The following ABCA5 variants were observed in gnomAD, a reference collection of about 807,000 sequenced individuals.
The protein encoded by ABCA5 is cholesterol transporter ABCA5.
A neutral mutation model predicts 206.0 loss-of-function variants in ABCA5; 163 were observed. That is an observed-to-expected ratio of 0.79 (90% CI 0.70 to 0.90). ABCA5 has a LOEUF of 0.90. Ranked by LOEUF, ABCA5 falls within the 40% of genes least tolerant of loss-of-function variation. The pLI, the probability that ABCA5 is intolerant of heterozygous loss-of-function variation, is 0.00. For missense variants in ABCA5, 1,859 were observed against 1,912.9 expected, an observed-to-expected ratio of 0.97 and a Z score of 0.53; for synonymous variants, 609 against 613.8, an observed-to-expected ratio of 0.99 and a Z score of 0.11.
Position 69,274,011 on chromosome 17 carries a change from A to G in ABCA5, c.2712T>C (p.Pro904=). The G allele has an allele frequency of 6.2e-7, 1 of 1,611,102 alleles. No individual in the cohort carries two copies. The highest frequency in any genetic ancestry group is 2.2e-5 in the East Asian group (1 of 44,824). Residue 904 remains proline, a synonymous_variant, in exon 20 of 39, where the codon CCT becomes CCC. Transcript: ENST00000392676. The part of the protein sequence containing the change: ...KLVPDLYFLK[P]GDKPHKYKTS... ...TTTTGTATTTATGTGGTTTGTCTCCAGGTTTTAGAAAATATAAGTCTGGAA... is the reference window on the plus strand; with the variant it reads ...TTTTGTATTTATGTGGTTTGTCTCCGGGTTTTAGAAAATATAAGTCTGGAA...
intron 19 of ABCA5, among the ~76,000 whole-genome samples, chr17:69,275,607 C>T (rs1402817208): frequency 6.6e-6 from 1 of 151,998 alleles, no homozygotes; most frequent in Non-Finnish European, 1.5e-5. Context: ...ATTTCTTTAC[C>T]AGAGAACATC....
At chr17:69,274,489 G>T in intron 19 of ABCA5, among the ~76,000 whole-genome samples, 1 of 151,878 alleles carries the variant, frequency 6.6e-6, no homozygotes, top group Non-Finnish European at 1.5e-5. Context: ...CTCCCAAAGT[G>T]CTGGGATTGC....
At chr17:69,250,389 A>G in intron 36 of ABCA5, 83 bp downstream of exon 36, 3 of 1,262,760 alleles carry the variant, frequency 2.4e-6, no homozygotes, top group Non-Finnish European at 3.2e-6. Context: ...TGAAAAGATG[A>G]TTTTTCACTT....
chr17:69,274,455 A>G lies in ABCA5; in HGVS notation c.2595-327T>C, dbSNP rs943152216. On this transcript the variant is annotated intron_variant, in intron 19 of 38. Transcript: ENST00000392676. ...GGCTGGTCTCAAACTCCTGAGCTCA[A>G]ACAAGGAGCTTGCCTGCCTCAGCCT... is the stretch of plus-strand genomic sequence containing the variant. Among the ~76,000 whole-genome samples, 7 of 152,028 alleles carry G rather than the reference A, an allele frequency of 4.6e-5. No homozygotes were observed. The East Asian group carries it at 7.7e-4, about 17-fold the overall frequency.
intron 11 of ABCA5, 22 bp from the exon 12 acceptor site, chr17:69,291,348 C>T: frequency 6.8e-7 from 1 of 1,470,250 alleles, no homozygotes; most frequent in Non-Finnish European, 9.5e-7. Flanking sequence ...AAAAAGAAGA[C>T]TCAAATGTAA....
In ABCA5 at chr17:69,245,316, G is replaced by A. The variant is rs1339264489; in HGVS notation, c.*2221C>T. 1 of 151,800 alleles carries A rather than the reference G, an allele frequency of 6.6e-6. No individual in the cohort carries two copies. The highest frequency in any genetic ancestry group is 1.9e-4 in the East Asian group (1 of 5,204). The allele number at this position is 151,800 out of a possible 1,614,324, so 9.4% of individuals were successfully genotyped here. ...CCTTTGAAAATTTGACCATGAATGGGAAATATAAGGTTGGTGATGTTGCTT... is the reference window on the plus strand; with the variant it reads ...CCTTTGAAAATTTGACCATGAATGGAAAATATAAGGTTGGTGATGTTGCTT... On this transcript the variant is annotated 3_prime_UTR_variant, in exon 39 of 39. Coordinates refer to ENST00000392676, the MANE Select transcript of ABCA5 (RefSeq NM_172232.4).
At chr17:69,304,370 A>T (rs1463023371) in intron 7 of ABCA5, 2 of 183,848 alleles carry the variant, frequency 1.1e-5, no homozygotes, top group African/African-American at 4.7e-5. Context: ...AAACAAAAAT[A>T]GTCCAATACT....
intron 5 of ABCA5, 149 bp downstream of exon 5, chr17:69,308,131 A>ACTT (rs10699931): frequency 0.98 from 375,677 of 385,104 alleles, 183,913 homozygotes; most frequent in Non-Finnish European, 1. Flanking sequence ...AGAAAATATG[A>ACTT]CTTTTTTATC....
chr17:69,267,288 T>C (rs990485988), intron 23 of ABCA5, among the ~76,000 whole-genome samples: 2 of 152,088 alleles, frequency 1.3e-5, no homozygotes, highest in Non-Finnish European at 2.9e-5. Context: ...ATGAAGAAGA[T>C]CAGAATTTTT....
At chr17:69,296,169 T>C (rs1678702000) in intron 10 of ABCA5, among the ~76,000 whole-genome samples, 1 of 152,180 alleles carries the variant, frequency 6.6e-6, no homozygotes, top group Admixed American at 6.5e-5. Context: ...TTAACAAATG[T>C]GAAGTGATTT....
At chr17:69,251,719 C>G in intron 35 of ABCA5, 28 bp downstream of exon 35, 1 of 1,597,668 alleles carries the variant, frequency 6.3e-7, no homozygotes, top group Non-Finnish European at 8.5e-7. Context: ...ACCTCTTCCC[C>G]TGAATGGCAC....
chr17:69,257,464 T>C (rs1598151566), intron 28 of ABCA5, among the ~76,000 whole-genome samples: 2 of 151,840 alleles, frequency 1.3e-5, no homozygotes, highest in East Asian at 3.9e-4. Flanking sequence ...GACAAAATCA[T>C]TAGTTATCTT....
chr17:69,316,661 A>G (rs1053605444), intron 1 of ABCA5, among the ~76,000 whole-genome samples: 1 of 152,096 alleles, frequency 6.6e-6, no homozygotes, highest in African/African-American at 2.4e-5. Context: ...ATATAAACAC[A>G]TAAGTTTCAA....
At position 69,326,245 on chromosome 17, in the gene ABCA5, G is replaced by C. The variant is rs746176433; in HGVS notation, c.-16+807C>G. 3.3e-5 allele frequency among the ~76,000 whole-genome samples: 5 copies of C among 152,178 alleles called. No homozygotes were observed. Among genetic ancestry groups the C allele is most frequent in the Non-Finnish European group, 7.3e-5 (5 of 68,028 alleles). ...TACAGGGTTGCTGTCAGAATGAAAA[G>C]AGCTAATACCGAGCCTGGCTTAAAG... On this transcript the variant is annotated intron_variant, in intron 1 of 38. Coordinates refer to ENST00000392676, the MANE Select transcript of ABCA5 (RefSeq NM_172232.4). The surrounding 1 kb of genome is among the most constrained non-coding windows in gnomAD (Gnocchi z 4.8).
chr17:69,278,903 T>C (rs2075361213), intron 18 of ABCA5, among the ~76,000 whole-genome samples: 1 of 151,256 alleles, frequency 6.6e-6, no homozygotes, highest in African/African-American at 2.4e-5. Context: ...ATAAGAGCTA[T>C]CTATGACAAA....
Position 69,291,309 on chromosome 17 carries a change from A to G in ABCA5, c.1513T>C (p.Tyr505His), listed in dbSNP as rs770261828. 3.1e-5 allele frequency: 49 copies of G among 1,605,442 alleles called. No individual in the cohort carries two copies. Among genetic ancestry groups the G allele is most frequent in the Non-Finnish European group, 2.0e-5 (24 of 1,173,608 alleles). ...AGTAAGGCAGTAATCTGACCCTCATATATGTCAAATGACAAATCTAGTTCA... is the reference window on the plus strand; with the variant it reads ...AGTAAGGCAGTAATCTGACCCTCATGTATGTCAAATGACAAATCTAGTTCA... ...EALRNLSFDI[Y>H]EGQITALLGH... The change falls in exon 12 of 39, where the codon TAT becomes CAT. Residue 505 changes from tyrosine to histidine, a missense_variant. Physicochemically the swap from Tyr to His is moderately conservative, Grantham distance 83 (BLOSUM62 2). Coordinates refer to ENST00000392676, the MANE Select transcript of ABCA5 (RefSeq NM_172232.4).
intron 1 of ABCA5, among the ~76,000 whole-genome samples, chr17:69,322,075 A>G (rs1020414245): frequency 1.3e-5 from 2 of 152,188 alleles, no homozygotes; most frequent in Non-Finnish European, 2.9e-5. Context: ...TTTATCTTAA[A>G]GTACTGGTTA....
rs1376199714 is a variant in ABCA5 at position 69,290,059 on chromosome 17, AAATGTACATT to A, written c.1607-32_1607-23del. ...AACCCTAAAAGCAAAATATATATTT[AAATGTACATT>A]AATTATTTTATAATGTGTATGTTTT... is the stretch of plus-strand genomic sequence containing the variant. On this transcript the variant is annotated intron_variant, in intron 12 of 38. Transcript: ENST00000392676. The A allele has an allele frequency of 2.1e-6, 3 of 1,441,884 alleles. 1 individual carries two copies. The African/African-American group carries it at 4.4e-5, about 21-fold the overall frequency. 89.3% of individuals were successfully genotyped at this position (1,441,884 alleles called of 1,614,324 possible). A position where few individuals can be genotyped will look rare whatever the true frequency, so the allele number is the denominator to read the frequency against.
intron 9 of ABCA5, among the ~76,000 whole-genome samples, chr17:69,300,157 G>C (rs369184400): frequency 6.6e-6 from 1 of 152,118 alleles, no homozygotes; most frequent in Non-Finnish European, 1.5e-5. Context: ...GCAACTAGGC[G>C]GTCCCATCTG....
Sources: gnomAD v4.1 joint callset for allele counts (sites outside exome capture counted in the v4.1 genomes callset) on GRCh38, gnomAD v4.1.1 for gene constraint, Gnocchi (gnomAD v3.1) non-coding constraint, MANE v1.5 for transcripts, NCBI Gene and HGNC (gene_info 2026-07-23, HGNC 2026-07-21) for gene names.